SLC8A1: variants seen among roughly 807,000 people sequenced by gnomAD.
The protein encoded by SLC8A1 is sodium/calcium exchanger 1.
In SLC8A1, 18 loss-of-function variants were observed where a neutral mutation model predicts 68.3. The observed-to-expected ratio is 0.26, with a 90% confidence interval of 0.18 to 0.39. The LOEUF (loss-of-function observed/expected upper bound fraction) is 0.39. Ranked by LOEUF, SLC8A1 falls within the 10% of genes least tolerant of loss-of-function variation. SLC8A1 has a pLI of 1.00. For missense variants in SLC8A1, 985 were observed against 1,156.7 expected (o/e 0.85, Z 2.15); for synonymous variants, 475 against 415.5 (o/e 1.14, Z -1.74).
intron 2 of SLC8A1, among the ~76,000 whole-genome samples, chr2:40,367,377 C>T (rs1328174904): frequency 6.6e-6 from 1 of 152,038 alleles, no homozygotes; most frequent in East Asian, 1.9e-4. Flanking sequence ...AATATTCTAA[C>T]ACTTCGCTGA....
chr2:40,391,463 TAGG>T (rs1319536413), intron 2 of SLC8A1, among the ~76,000 whole-genome samples: 1 of 150,600 alleles, frequency 6.6e-6, no homozygotes. Context: ...GGTGGCAAAC[TAGG>T]AGATTACAGC....
At chr2:40,344,806 A>C (rs1668749950) in intron 2 of SLC8A1, among the ~76,000 whole-genome samples, 1 of 152,158 alleles carries the variant, frequency 6.6e-6, no homozygotes, top group African/African-American at 2.4e-5. Flanking sequence ...CTGAATTCCC[A>C]GACTAATCTT....
intron 2 of SLC8A1, among the ~76,000 whole-genome samples, chr2:40,239,597 C>T (rs1344921286): frequency 6.6e-6 from 1 of 152,152 alleles, no homozygotes; most frequent in Non-Finnish European, 1.5e-5. Context: ...ACTGTGCTGC[C>T]TCGTGAAATA....
intron 7 of SLC8A1, among the ~76,000 whole-genome samples, chr2:40,124,051 C>G (rs1411099353): frequency 6.6e-6 from 1 of 152,222 alleles, no homozygotes; most frequent in Non-Finnish European, 1.5e-5. Flanking sequence ...CAAATCTCCT[C>G]AAATTCTCTT....
chr2:40,146,186 T>C (rs1160106685), intron 6 of SLC8A1, among the ~76,000 whole-genome samples: 2 of 152,200 alleles, frequency 1.3e-5, no homozygotes, highest in East Asian at 1.9e-4. Context: ...GTAGGCATTT[T>C]CTTCTACCAA....
chr2:40,468,190 C>T (rs1399770377), intron 1 of SLC8A1, among the ~76,000 whole-genome samples: 1 of 152,086 alleles, frequency 6.6e-6, no homozygotes, highest in Non-Finnish European at 1.5e-5. Flanking sequence ...CCACTACTGA[C>T]AATTATTTTA....
intron 2 of SLC8A1, among the ~76,000 whole-genome samples, chr2:40,256,350 C>A (rs1442438846): frequency 6.6e-6 from 1 of 152,114 alleles, no homozygotes; most frequent in Non-Finnish European, 1.5e-5. Context: ...AAGACCAAGG[C>A]TCACTGGCCA....
exon 8 of SLC8A1, chr2:40,109,494 C>T (rs191390672): frequency 2.6e-5 from 4 of 152,268 alleles, no homozygotes; most frequent in Admixed American, 6.5e-5. Flanking sequence ...CTGTCCCGCT[C>T]ATTTACAAAG....
intron 2 of SLC8A1, among the ~76,000 whole-genome samples, chr2:40,361,699 C>T (rs1674676504): frequency 6.6e-6 from 1 of 151,952 alleles, no homozygotes; most frequent in African/African-American, 2.4e-5. Flanking sequence ...TCACTGGGAA[C>T]ACACGGAGGT....
chr2:40,258,901 C>T (rs1574848278), intron 2 of SLC8A1, among the ~76,000 whole-genome samples: 1 of 151,014 alleles, frequency 6.6e-6, no homozygotes, highest in Non-Finnish European at 1.5e-5. Context: ...TGATATCCCC[C>T]AATGGTTGTA....
intron 1 of SLC8A1, among the ~76,000 whole-genome samples, chr2:40,498,593 T>C (rs182828287): frequency 2.6e-5 from 4 of 152,168 alleles, no homozygotes; most frequent in Admixed American, 2.6e-4. Flanking sequence ...AATAGAGAAA[T>C]ATGGACTGAA....
At chr2:40,358,693 C>T (rs1347514747) in intron 2 of SLC8A1, among the ~76,000 whole-genome samples, 3 of 152,148 alleles carry the variant, frequency 2.0e-5, no homozygotes, top group Non-Finnish European at 2.9e-5. Context: ...TGTACAATGG[C>T]CTAGGTACAG....
intron 2 of SLC8A1, among the ~76,000 whole-genome samples, chr2:40,283,913 C>T (rs1250036238): frequency 2.6e-5 from 4 of 152,234 alleles, no homozygotes; most frequent in Admixed American, 6.5e-5. Context: ...CTACTACCCC[C>T]CACCTTTTAT....
chr2:40,214,197 T>G (rs916456836), intron 2 of SLC8A1, among the ~76,000 whole-genome samples: 52 of 152,114 alleles, frequency 3.4e-4, no homozygotes, highest in African/African-American at 1.2e-3. Flanking sequence ...CAAAACATAT[T>G]GCTGGATATT....
At chr2:40,358,262 T>A (rs1673383439) in intron 2 of SLC8A1, among the ~76,000 whole-genome samples, 2 of 144,486 alleles carry the variant, frequency 1.4e-5, no homozygotes, top group African/African-American at 2.8e-5. Context: ...AATTAAAATC[T>A]GGGCAGATTA....
At position 40,384,419 on chromosome 2, in the gene SLC8A1, C is replaced by A. The variant is rs144784571; in HGVS notation, c.1808+44054G>T. ...CACAATGAGACAGTCTCAAGCAGAA[C>A]AGAACCTTGCATCATGAATCATGGG... is the stretch of plus-strand genomic sequence containing the variant. On this transcript the variant is annotated intron_variant, in intron 2 of 7. Coordinates refer to ENST00000406785, the Ensembl canonical transcript of SLC8A1. Among the ~76,000 whole-genome samples the A allele has an allele frequency of 1.7e-3, 255 of 152,156 alleles. 1 individual carries two copies. Among genetic ancestry groups the A allele is most frequent in the African/African-American group, 5.8e-3 (242 of 41,542 alleles).
At chr2:40,306,574 A>G (rs1279209124) in intron 2 of SLC8A1, among the ~76,000 whole-genome samples, 1 of 152,200 alleles carries the variant, frequency 6.6e-6, no homozygotes, top group Non-Finnish European at 1.5e-5. Context: ...ACATTCTTGG[A>G]AATATATACC....
chr2:40,402,328 T>C (rs1388455514), intron 2 of SLC8A1, among the ~76,000 whole-genome samples: 3 of 152,206 alleles, frequency 2.0e-5, no homozygotes, highest in East Asian at 3.9e-4. Flanking sequence ...GTTCCAAGAA[T>C]TGCCCACCCC....
At chr2:40,322,187 G>C (rs34718894) in intron 2 of SLC8A1, among the ~76,000 whole-genome samples, 1 of 151,964 alleles carries the variant, frequency 6.6e-6, no homozygotes, top group Non-Finnish European at 1.5e-5. Flanking sequence ...GTTTTGCATA[G>C]TAAGAAACGA....
Sources: allele counts gnomAD v4.1 joint callset (sites outside exome capture counted in the v4.1 genomes callset), GRCh38; gene constraint gnomAD v4.1.1; transcripts MANE v1.5; gene names NCBI Gene and HGNC (gene_info 2026-07-23, HGNC 2026-07-21).